The following SPART variants were observed in gnomAD, a reference collection of about 807,000 sequenced individuals.
SPART encodes the protein spastic paraplegia 20 (Troyer syndrome).
A neutral mutation model predicts 58.7 loss-of-function variants in SPART; 35 were observed. The observed-to-expected ratio is 0.60, with a 90% CI of 0.46 to 0.79. The LOEUF is 0.79. SPART is among the 30% of genes least tolerant of loss of function. The pLI is 0.00. For synonymous variants in SPART, 284 were observed against 280.7 expected, an observed-to-expected ratio of 1.01 and a Z score of -0.12; for missense variants, 730 against 786.1, an observed-to-expected ratio of 0.93 and a Z score of 0.85.
chr13:36,332,155 T>C (rs561077562), intron 2 of SPART, among the ~76,000 whole-genome samples: 2 of 152,242 alleles, frequency 1.3e-5, no homozygotes, highest in African/African-American at 4.8e-5. Context: ...TTAACACATA[T>C]AGTCTGGACC....
intron 2 of SPART, among the ~76,000 whole-genome samples, 193 bp downstream of exon 2, chr13:36,334,828 A>G (rs1035926734): frequency 7.2e-5 from 11 of 152,150 alleles, no homozygotes; most frequent in African/African-American, 2.4e-4. Flanking sequence ...AACTATTAAT[A>G]TATCTTTTTT....
At chr13:36,314,773 T>C (rs572518368) in intron 5 of SPART, among the ~76,000 whole-genome samples, 2 of 152,316 alleles carry the variant, frequency 1.3e-5, no homozygotes, top group South Asian at 4.1e-4. Context: ...TAAGATAGAA[T>C]TTGGCCAAAG....
At chr13:36,367,560 C>G (rs1266689202) in intron 1 of SPART, among the ~76,000 whole-genome samples, 1 of 152,062 alleles carries the variant, frequency 6.6e-6, no homozygotes, top group Non-Finnish European at 1.5e-5. Flanking sequence ...TTCCTTCTGT[C>G]TTCCCCTTTC....
intron 8 of SPART, among the ~76,000 whole-genome samples, chr13:36,309,729 C>T (rs1334916351): frequency 2.0e-5 from 3 of 151,902 alleles, no homozygotes; most frequent in Non-Finnish European, 4.4e-5. Context: ...ATTACTAGGC[C>T]GGGGAGGGAG....
rs139085653 is a variant in SPART, at chr13:36,304,621, T to A, written c.1745A>T (p.Asn582Ile). The A allele has an allele frequency of 2.5e-5, 41 of 1,614,000 alleles. No individual in the cohort carries two copies. In the African/African-American group the frequency reaches 5.1e-4, roughly 20 times the overall value. Reference sequence around the variant, plus strand: ...CGCATGGTGGGTAGCTTCTCCTGCATTATATCCGTATCTTTAAAAGAAAGA... The same window carrying A: ...CGCATGGTGGGTAGCTTCTCCTGCAATATATCCGTATCTTTAAAAGAAAGA... ...VQTVRYKYGY[N>I]AGEATHHAVD... is the part of the protein sequence containing the mutation. The change falls in exon 9 of 9, where the codon AAT becomes ATT. Residue 582 changes from asparagine to isoleucine, a missense_variant. By Grantham distance (149) the Asn-to-Ile change is moderately radical (BLOSUM62 -3). Coordinates refer to ENST00000438666, the MANE Select transcript of SPART (RefSeq NM_015087.5).
At chr13:36,327,804 A>G (rs1234605129) in intron 4 of SPART, among the ~76,000 whole-genome samples, 1 of 152,200 alleles carries the variant, frequency 6.6e-6, no homozygotes, top group Non-Finnish European at 1.5e-5. Flanking sequence ...CCTGGCCAAC[A>G]TGGTGAAACT....
chr13:36,332,341 T>G lies in SPART; in HGVS notation c.811-745A>C, dbSNP rs532286231. On this transcript the variant is annotated intron_variant, in intron 2 of 8. Transcript: ENST00000438666. ...GTGAAACCCCCATCTCTACTAAAAC[T>G]ACAAAAATTAGCTGGGGGTGGTAGT... 2.0e-5 allele frequency among the ~76,000 whole-genome samples: 3 copies of G among 152,184 alleles called. No homozygotes were observed. The South Asian group carries it at 6.2e-4, about 32-fold the overall frequency.
intron 5 of SPART, among the ~76,000 whole-genome samples, chr13:36,323,961 T>C (rs904362295): frequency 2.0e-5 from 3 of 152,182 alleles, no homozygotes; most frequent in Non-Finnish European, 2.9e-5. Context: ...GAAAGTTCTT[T>C]TGAAATCTAC....
At chr13:36,359,542 C>G (rs1885756134) in intron 1 of SPART, among the ~76,000 whole-genome samples, 1 of 152,214 alleles carries the variant, frequency 6.6e-6, no homozygotes, top group Non-Finnish European at 1.5e-5. Context: ...TTACCTACTA[C>G]CTACATGAAC....
At chr13:36,311,358 T>C (rs1472469411) in intron 8 of SPART, among the ~76,000 whole-genome samples, 2 of 152,210 alleles carry the variant, frequency 1.3e-5, no homozygotes, top group African/African-American at 2.4e-5. Flanking sequence ...TGTTTGTCCA[T>C]TTCTTAATAT....
chr13:36,343,463 T>C (rs1884765927), intron 1 of SPART, among the ~76,000 whole-genome samples: 1 of 152,184 alleles, frequency 6.6e-6, no homozygotes. Flanking sequence ...AAGAATGATG[T>C]ACCAATATTA....
chr13:36,321,602 G>A (rs1882405395), intron 5 of SPART, among the ~76,000 whole-genome samples: 3 of 151,746 alleles, frequency 2.0e-5, no homozygotes, highest in East Asian at 2.0e-4. Context: ...AGGTTCCCAC[G>A]CCGCCCCTAA....
At position 36,302,227 on chromosome 13, in the gene SPART, T is replaced by C. The variant is rs1880056027; in HGVS notation, c.*2138A>G. The C allele has an allele frequency of 1.4e-5, 2 of 141,850 alleles. No individual in the cohort carries two copies. Among genetic ancestry groups the C allele is most frequent in the Admixed American group, 7.3e-5 (1 of 13,772 alleles). 8.8% of individuals were successfully genotyped at this position (141,850 alleles called of 1,614,324 possible). On this transcript the variant is annotated 3_prime_UTR_variant, in exon 9 of 9. Coordinates refer to ENST00000438666, the MANE Select transcript of SPART (RefSeq NM_015087.5). ...TATTCATCATACCTTACAAGTAATA[T>C]ATAATTTTATCTATATATCAATCAT...
chr13:36,316,353 A>G (rs932038235), intron 5 of SPART, among the ~76,000 whole-genome samples: 1 of 152,250 alleles, frequency 6.6e-6, no homozygotes, highest in Non-Finnish European at 1.5e-5. Flanking sequence ...AAGCCAAGCC[A>G]TCGCATCCCC....
intron 8 of SPART, among the ~76,000 whole-genome samples, chr13:36,311,582 G>A (rs1049427514): frequency 1.3e-5 from 2 of 151,746 alleles, no homozygotes; most frequent in African/African-American, 2.4e-5. Context: ...AGAAATTCCA[G>A]GCTTTTAAAA....
At position 36,312,184 on chromosome 13, in the gene SPART, T is replaced by G; in HGVS notation, c.1694A>C (p.Asn565Thr). The G allele has an allele frequency of 1.2e-6, 2 of 1,614,194 alleles. No homozygotes were observed. Among genetic ancestry groups the G allele is most frequent in the South Asian group, 2.2e-5 (2 of 91,088 alleles). Residue 565 changes from asparagine to threonine, a missense_variant, in exon 8 of 9, where the codon AAC becomes ACC. Coordinates refer to ENST00000438666, the MANE Select transcript of SPART (RefSeq NM_015087.5). ...GLECAAKCIV[N>T]NVSAETVQTV... Reference sequence around the variant, plus strand: ...TTGTACAGTTTCTGCTGAAACATTGTTAACGATGCATTTAGCTGCACATTC... The same window carrying G: ...TTGTACAGTTTCTGCTGAAACATTGGTAACGATGCATTTAGCTGCACATTC...
Position 36,312,414 on chromosome 13 carries a change from T to A in SPART, c.1547A>T (p.His516Leu). 1 of 1,614,156 alleles carries A rather than the reference T, an allele frequency of 6.2e-7. No homozygotes were observed. Among genetic ancestry groups the A allele is most frequent in the Non-Finnish European group, 8.5e-7 (1 of 1,180,014 alleles). The change falls in exon 7 of 9, where the codon CAT becomes CTT. Residue 516 changes from histidine to leucine, a missense_variant. Physicochemically the swap from His to Leu is moderately conservative, Grantham distance 99 (BLOSUM62 -3). Transcript: ENST00000438666. ...GKELAPHVKK[H>L]GSKLVPESLK... The stretch of plus-strand genomic sequence containing the variant: ...AGATTCTGGAACAAGTTTGCTTCCA[T>A]GCTTCTTGACATGTGGAGCTAGTTC...
intron 4 of SPART, among the ~76,000 whole-genome samples, chr13:36,328,602 T>G (rs1883176595): frequency 6.6e-6 from 1 of 152,208 alleles, no homozygotes. Context: ...CATTAGACAG[T>G]AAATTCATTG....
intron 1 of SPART, among the ~76,000 whole-genome samples, chr13:36,338,966 C>T (rs9547346): frequency 1.3e-4 from 19 of 151,820 alleles, no homozygotes; most frequent in African/African-American, 3.6e-4. Flanking sequence ...TTCACTCACA[C>T]GCACACACTC....
Sources: allele counts gnomAD v4.1 joint callset (sites outside exome capture counted in the v4.1 genomes callset), GRCh38; gene constraint gnomAD v4.1.1; transcripts MANE v1.5; gene names NCBI Gene and HGNC (gene_info 2026-07-23, HGNC 2026-07-21).